The following ARHGEF17 variants were observed in gnomAD, a reference collection of about 807,000 sequenced individuals.
ARHGEF17 encodes the protein 164 kDa Rho-specific guanine-nucleotide exchange factor.
ARHGEF17 carries 80 observed loss-of-function variants against 174.0 expected under a neutral mutation model. That is an observed-to-expected ratio of 0.46 (90% CI 0.38 to 0.55). The LOEUF is 0.55. ARHGEF17 is among the 20% of genes least tolerant of loss of function. ARHGEF17 has a pLI of 0.00. For synonymous variants in ARHGEF17, 1,311 were observed against 1,189.1 expected (o/e 1.10, Z -2.11); for missense variants, 2,886 against 2,839.7 (o/e 1.02, Z -0.37).
At chr11:73,325,241 CCT>C (rs1193817142) in intron 1 of ARHGEF17, among the ~76,000 whole-genome samples, 1 of 152,198 alleles carries the variant, frequency 6.6e-6, no homozygotes, top group Non-Finnish European at 1.5e-5. Flanking sequence ...AGCCTCCTGC[CCT>C]GTCTCCCTCT....
rs1284894423 is a variant in ARHGEF17, at chr11:73,332,391, GTGTGTGTGTGTGTGTGTA to G, written c.3193-14490_3193-14473del. Among the ~76,000 whole-genome samples, 363 of 135,316 alleles carry G rather than the reference GTGTGTGTGTGTGTGTGTA, an allele frequency of 2.7e-3. 1 individual carries two copies. The highest frequency in any genetic ancestry group is 0.011 in the Middle Eastern group (3 of 266). The allele number at this position is 135,316 out of a possible 152,430, so 88.8% of individuals were successfully genotyped here. A position where few individuals can be genotyped will look rare whatever the true frequency, so the allele number is the denominator to read the frequency against. The stretch of plus-strand genomic sequence containing the variant: ...TGTGTGTGTGTGTGTGTGTGTGTGT[GTGTGTGTGTGTGTGTGTA>G]TTTTAAATAACATTGAGATGGTGCA... On this transcript the variant is annotated intron_variant, in intron 1 of 20. Transcript: ENST00000263674.
intron 1 of ARHGEF17, among the ~76,000 whole-genome samples, chr11:73,322,681 C>T (rs1050168545): frequency 6.6e-5 from 10 of 152,138 alleles, no homozygotes; most frequent in Admixed American, 1.3e-4. Flanking sequence ...TGGGGAGAGG[C>T]TCTGTGTGGG....
intron 1 of ARHGEF17, among the ~76,000 whole-genome samples, chr11:73,321,181 G>A (rs1049790543): frequency 5.3e-5 from 8 of 152,222 alleles, no homozygotes; most frequent in African/African-American, 1.4e-4. Context: ...CAGTGGCTCC[G>A]AGCCTGGTTC....
Position 73,362,702 on chromosome 11 carries a change from C to T in ARHGEF17, c.4964C>T (p.Ala1655Val). Residue 1655 changes from alanine (A) to valine (V), a missense_variant, in exon 14 of 21, where the codon GCC becomes GTC. Transcript: ENST00000263674. ...CCCTCGGGGACGCTGCAGAGCCAGG[C>T]CAGCCGGTCCACCATCTCCTCCAGC... ...PSPSGTLQSQ[A>V]SRSTISSSFG... 1 of 1,606,336 alleles carries T rather than the reference C, an allele frequency of 6.2e-7. No homozygotes were observed.
chr11:73,349,263 C>T (rs1401930717), intron 2 of ARHGEF17, among the ~76,000 whole-genome samples: 2 of 152,202 alleles, frequency 1.3e-5, no homozygotes. Flanking sequence ...ACCTCACCTT[C>T]TCTGAGCCTC....
intron 1 of ARHGEF17, among the ~76,000 whole-genome samples, chr11:73,317,246 C>T (rs1325220449): frequency 6.6e-6 from 1 of 152,180 alleles, no homozygotes; most frequent in African/African-American, 2.4e-5. Context: ...CACCATGACA[C>T]CCATTTAGCT....
intron 1 of ARHGEF17, chr11:73,342,952 CGCCGGCGGCCGGGCCGCAGCGCT>C (rs978432890): frequency 1.1e-5 from 2 of 185,168 alleles, no homozygotes; most frequent in African/African-American, 4.8e-5. Flanking sequence ...GCAGCAGCGC[CGCCGGCGGCCGGGCCGCAGCGCT>C]CAGATCGACG....
In ARHGEF17 at chr11:73,353,005, T is replaced by C; in HGVS notation, c.3446T>C (p.Val1149Ala). 1.2e-6 allele frequency: 2 copies of C among 1,613,636 alleles called. No homozygotes were observed. The highest frequency in any genetic ancestry group is 1.7e-6 in the Non-Finnish European group (2 of 1,179,916). ...HAQQKVGALL[V>A]QSFSKDVLVN... ...CAGCAGAAGGTGGGAGCCCTGCTCG[T>C]CCAGTCGGTGAGTGGCCCCGCTGCT... Residue 1149 changes from valine (V) to alanine (A), a missense_variant, in exon 3 of 21, where the codon GTC (valine) becomes GCC (alanine). Around this residue, in one of 4 missense-constraint regions of ARHGEF17, gnomAD observed 353 missense variants for 470.3 expected, o/e 0.75. Coordinates refer to ENST00000263674, the MANE Select transcript of ARHGEF17 (RefSeq NM_014786.4).
At chr11:73,338,968 C>T (rs1865327827) in intron 1 of ARHGEF17, among the ~76,000 whole-genome samples, 1 of 152,120 alleles carries the variant, frequency 6.6e-6, no homozygotes, top group African/African-American at 2.4e-5. Context: ...GAGAATTGTC[C>T]AAACAGCATT....
In ARHGEF17 at chr11:73,366,140, TGC is replaced by T. The variant is rs60890952; in HGVS notation, c.5995+196_5995+197del. ...ATAGTTGTGTGTGTGTGTGTGTGTG[TGC>T]GCACCTGCATGTGTTGTGTGTATAT... is the stretch of plus-strand genomic sequence containing the variant. On this transcript the variant is annotated intron_variant, in intron 20 of 20. Transcript: ENST00000263674. Among the ~76,000 whole-genome samples the T allele has an allele frequency of 7.0e-3, 1,032 of 147,384 alleles. 16 individuals carry two copies. Among genetic ancestry groups the T allele is most frequent in the African/African-American group, 0.024 (962 of 40,812 alleles).
intron 1 of ARHGEF17, chr11:73,343,214 C>T (rs1474025594): frequency 1.5e-5 from 6 of 398,292 alleles, no homozygotes; most frequent in African/African-American, 6.2e-5. Flanking sequence ...TGGGCCCAGC[C>T]GCCGCCTCCG....
At chr11:73,347,029 G>C in intron 2 of ARHGEF17, 69 bp downstream of exon 2, 1 of 1,437,694 alleles carries the variant, frequency 7.0e-7, no homozygotes, top group Non-Finnish European at 9.6e-7. Flanking sequence ...ATGGGTGTGA[G>C]CAAACCCCTT....
Position 73,311,757 on chromosome 11 carries a change from C to T in ARHGEF17, c.3119C>T (p.Ala1040Val), listed in dbSNP as rs906939251. The change falls in exon 1 of 21, where the codon GCC becomes GTC. Residue 1040 changes from alanine (A) to valine (V), a missense_variant. Ala to Val is a moderately conservative substitution (Grantham distance 64). Coordinates refer to ENST00000263674, the MANE Select transcript of ARHGEF17 (RefSeq NM_014786.4). ...CTGGCTGCACCGCCCTCTGCTGAGG[C>T]CAAGCCCCCTGAGGCAGCTCGGCCT... Reference protein sequence around the residue: ...LPLAAPPSAEAKPPEAARPAD... With the variant: ...LPLAAPPSAEVKPPEAARPAD... 2 of 1,612,944 alleles carry T rather than the reference C, an allele frequency of 1.2e-6. No individual in the cohort carries two copies. The highest frequency in any genetic ancestry group is 2.7e-5 in the African/African-American group (2 of 74,942).
At position 73,329,373 on chromosome 11, in the gene ARHGEF17, A is replaced by ATTTTTTT. The variant is rs1192905396; in HGVS notation, c.3193-17500_3193-17494dup. Among the ~76,000 whole-genome samples the ATTTTTTT allele has an allele frequency of 9.9e-4, 13 of 13,164 alleles. 1 individual carries two copies. Among genetic ancestry groups the ATTTTTTT allele is most frequent in the Admixed American group, 1.1e-3 (1 of 896 alleles). The allele number at this position is 13,164 out of a possible 152,430, so 8.6% of individuals were successfully genotyped here. ...TATATATATATATATATATATATAT[A>ATTTTTTT]TTTTTTTTTTTTTTTTGTATTTTGG... On this transcript the variant is annotated intron_variant, in intron 1 of 20. Coordinates refer to ENST00000263674, the MANE Select transcript of ARHGEF17 (RefSeq NM_014786.4).
Position 73,346,622 on chromosome 11 carries a change from G to A in ARHGEF17, c.3193-261G>A, listed in dbSNP as rs1278345279. On this transcript the variant is annotated intron_variant, in intron 1 of 20. Coordinates refer to ENST00000263674, the MANE Select transcript of ARHGEF17 (RefSeq NM_014786.4). Reference sequence around the variant, plus strand: ...CAAGAAGTGGGTGGATGGGGCAGGGGCAGAGGAGTGAGTGCCTAACTGTGC... The same window carrying A: ...CAAGAAGTGGGTGGATGGGGCAGGGACAGAGGAGTGAGTGCCTAACTGTGC... 3.3e-5 allele frequency among the ~76,000 whole-genome samples: 5 copies of A among 152,222 alleles called. No homozygotes were observed. In the East Asian group the frequency reaches 9.6e-4, roughly 29 times the overall value.
At chr11:73,352,256 G>A (rs866538459) in intron 2 of ARHGEF17, among the ~76,000 whole-genome samples, 51 of 152,270 alleles carry the variant, frequency 3.3e-4, no homozygotes, top group Admixed American at 1.9e-3. Flanking sequence ...CCCGGGAGGC[G>A]GAGGTTGCAG....
chr11:73,343,649 G>T (rs536279643), intron 1 of ARHGEF17, among the ~76,000 whole-genome samples: 1 of 152,288 alleles, frequency 6.6e-6, no homozygotes, highest in African/African-American at 2.4e-5. Context: ...CACCCCCACT[G>T]CCATCCTCTC....
Position 73,309,309 on chromosome 11 carries a change from A to T in ARHGEF17, c.671A>T (p.Gln224Leu), listed in dbSNP as rs567542996. ...LHSWHIFSQP[Q>L]AGARASCSSS... is the part of the protein sequence containing the mutation. ...TCTTGGCATATCTTCTCCCAACCGC[A>T]GGCCGGGGCCCGGGCCTCCTGCTCC... The change falls in exon 1 of 21, where the codon CAG (glutamine) becomes CTG (leucine). Residue 224 changes from glutamine (Q) to leucine (L), a missense_variant. By Grantham distance (113) the Gln-to-Leu change is moderately radical. Transcript: ENST00000263674. The T allele has an allele frequency of 6.2e-7, 1 of 1,609,526 alleles. No individual in the cohort carries two copies. The highest frequency in any genetic ancestry group is 1.1e-5 in the South Asian group (1 of 91,050).
At position 73,353,173 on chromosome 11, in the gene ARHGEF17, C is replaced by T. The variant is rs1170101112; in HGVS notation, c.3453+161C>T. ...TAGACATTGGTACTTACCCCAGCCCCTGGGTGGACCTGAACTTGGACACTC... is the reference window on the plus strand; with the variant it reads ...TAGACATTGGTACTTACCCCAGCCCTTGGGTGGACCTGAACTTGGACACTC... On this transcript the variant is annotated intron_variant, in intron 3 of 20. Transcript: ENST00000263674. 1.6e-5 allele frequency: 15 copies of T among 919,204 alleles called. No homozygotes were observed. The East Asian group carries it at 4.0e-4, about 24-fold the overall frequency. The allele number at this position is 919,204 out of a possible 1,614,324, so 56.9% of individuals were successfully genotyped here. A position where few individuals can be genotyped will look rare whatever the true frequency, so the allele number is the denominator to read the frequency against.
Sources: allele counts gnomAD v4.1 joint callset (sites outside exome capture counted in the v4.1 genomes callset), GRCh38; gene constraint gnomAD v4.1.1; regional missense constraint gnomAD v4.1.1; transcripts MANE v1.5; gene names NCBI Gene and HGNC (gene_info 2026-07-23, HGNC 2026-07-21).